E2F3: variants seen among roughly 807,000 people sequenced by gnomAD.
E2F3 encodes transcription factor E2F3.
A neutral mutation model predicts 44.4 loss-of-function variants in E2F3; 11 were observed. The ratio of observed to expected loss-of-function variants is 0.25; its 90% CI spans 0.16 to 0.41. The LOEUF (loss-of-function observed/expected upper bound fraction) is 0.41, where lower values mean the gene tolerates loss of function less well. E2F3 is among the 10% of genes least tolerant of loss of function. The pLI is 1.00. For synonymous variants in E2F3, 249 were observed against 253.0 expected (o/e 0.98, Z 0.15); for missense variants, 487 against 583.6 (o/e 0.83, Z 1.70).
intron 1 of E2F3, among the ~76,000 whole-genome samples, chr6:20,461,548 A>G (rs984646391): frequency 1.3e-5 from 2 of 152,036 alleles, no homozygotes; most frequent in African/African-American, 4.8e-5. Flanking sequence ...ATTTCCCTTC[A>G]TTTCTCATAC....
rs776447660 is a variant in E2F3, at chr6:20,488,222, G to A, written c.1109G>A (p.Gly370Glu). ...AAAACAAACAACCAAGACCACAATG[G>A]GAATATCCCTAAACCCGCTTCCAAA... ...PMKTNNQDHN[G>E]NIPKPASKDL... The change falls in exon 6 of 7, where the codon GGG becomes GAG. Residue 370 changes from glycine to glutamate, a missense_variant. Gly to Glu is a moderately conservative substitution (Grantham distance 98). Around this residue, in one of 3 missense-constraint regions of E2F3, gnomAD observed 220 missense variants for 261.7 expected, o/e 0.84. Coordinates refer to ENST00000346618, the MANE Select transcript of E2F3 (RefSeq NM_001949.5). The A allele has an allele frequency of 1.2e-6, 2 of 1,605,190 alleles. No homozygotes were observed. Among genetic ancestry groups the A allele is most frequent in the African/African-American group, 1.3e-5 (1 of 74,274 alleles).
chr6:20,431,288 T>C (rs1387400240), intron 1 of E2F3, among the ~76,000 whole-genome samples: 1 of 152,156 alleles, frequency 6.6e-6, no homozygotes. Flanking sequence ...TCAGTGACCT[T>C]AAAGATGTTT....
At chr6:20,488,664 C>A (rs985114420) in intron 6 of E2F3, among the ~76,000 whole-genome samples, 1 of 152,210 alleles carries the variant, frequency 6.6e-6, no homozygotes, top group Middle Eastern at 3.4e-3. Context: ...TTTTCCCCCC[C>A]AATGAGATGG....
chr6:20,483,591 G>A (rs1762300859), intron 4 of E2F3, among the ~76,000 whole-genome samples: 3 of 152,062 alleles, frequency 2.0e-5, no homozygotes, highest in Admixed American at 2.0e-4. Context: ...AATACAAAAG[G>A]TCAGTTCTTG....
intron 1 of E2F3, among the ~76,000 whole-genome samples, chr6:20,469,841 C>T (rs1372366489): frequency 6.6e-6 from 1 of 152,192 alleles, no homozygotes; most frequent in Non-Finnish European, 1.5e-5. Flanking sequence ...AGGCTTCTCA[C>T]CCAGCGGCTC....
intron 1 of E2F3, among the ~76,000 whole-genome samples, chr6:20,447,722 C>T (rs1218090375): frequency 6.6e-6 from 1 of 152,122 alleles, no homozygotes; most frequent in African/African-American, 2.4e-5. Flanking sequence ...TGTTACAACA[C>T]ATTCATTCAT....
Position 20,462,738 on chromosome 6 carries a change from G to A in E2F3, c.394-17108G>A, listed in dbSNP as rs111879980. On this transcript the variant is annotated intron_variant, in intron 1 of 6. Coordinates refer to ENST00000346618, the MANE Select transcript of E2F3 (RefSeq NM_001949.5). ...CTCCCAAAGTGCTGGGATTACAGGC[G>A]TGAGCCACCACACCCTGCCTAGTTC... is the stretch of plus-strand genomic sequence containing the variant. 7.4e-3 allele frequency among the ~76,000 whole-genome samples: 1,126 copies of A among 151,836 alleles called. 11 individuals are homozygous for A. Among genetic ancestry groups the A allele is most frequent in the Middle Eastern group, 0.027 (8 of 294 alleles).
At chr6:20,435,467 A>G (rs535511076) in intron 1 of E2F3, among the ~76,000 whole-genome samples, 31 of 152,292 alleles carry the variant, frequency 2.0e-4, no homozygotes, top group Non-Finnish European at 1.5e-5. Flanking sequence ...AAACTCATTG[A>G]CTTGGCCGGG....
At position 20,463,864 on chromosome 6, in the gene E2F3, C is replaced by A. The variant is rs542007356; in HGVS notation, c.394-15982C>A. 4.6e-5 allele frequency among the ~76,000 whole-genome samples: 7 copies of A among 152,318 alleles called. No homozygotes were observed. In the South Asian group the frequency reaches 1.2e-3, roughly 27 times the overall value. ...ACTGTCCCCCACTTCCAATGCCAGTCGCAAGCCCCAGATTGTCTTACCTGT... is the reference window on the plus strand; with the variant it reads ...ACTGTCCCCCACTTCCAATGCCAGTAGCAAGCCCCAGATTGTCTTACCTGT... On this transcript the variant is annotated intron_variant, in intron 1 of 6. Coordinates refer to ENST00000346618, the MANE Select transcript of E2F3 (RefSeq NM_001949.5).
intron 1 of E2F3, among the ~76,000 whole-genome samples, chr6:20,421,005 C>T (rs1281826163): frequency 6.6e-6 from 1 of 152,224 alleles, no homozygotes; most frequent in Non-Finnish European, 1.5e-5. Context: ...GTCATTTCAA[C>T]ATTGTTCACA....
chr6:20,488,035 C>A, intron 5 of E2F3, 78 bp from the exon 6 acceptor site: 1 of 1,582,800 alleles, frequency 6.3e-7, no homozygotes, highest in Non-Finnish European at 8.6e-7. Context: ...TCTTACTTTC[C>A]ATTTTTAGAC....
In E2F3 at chr6:20,492,646, G is replaced by C. The variant is rs184958522; in HGVS notation, c.*2216G>C. The C allele has an allele frequency of 4.7e-4, 110 of 232,088 alleles. 1 individual carries two copies. In the Middle Eastern group the frequency reaches 7.9e-3, roughly 17 times the overall value. The allele number at this position is 232,088 out of a possible 1,614,324, so 14.4% of individuals were successfully genotyped here. ...ACTGAGCTCACCTGGCTAGATTGTT[G>C]TGTGTTTTGTTGAATTTTTTCATAA... On this transcript the variant is annotated 3_prime_UTR_variant, in exon 7 of 7. Transcript: ENST00000346618.
intron 1 of E2F3, among the ~76,000 whole-genome samples, chr6:20,477,214 T>C (rs146982444): frequency 1.3e-5 from 2 of 152,202 alleles, no homozygotes; most frequent in South Asian, 2.1e-4. Context: ...CCTCAAGTCA[T>C]CCTCCTGAGT....
chr6:20,434,960 C>T (rs1278491224), intron 1 of E2F3, among the ~76,000 whole-genome samples: 1 of 152,238 alleles, frequency 6.6e-6, no homozygotes, highest in Non-Finnish European at 1.5e-5. Flanking sequence ...GACAAGGGCA[C>T]AGGAACATGG....
intron 5 of E2F3, among the ~76,000 whole-genome samples, chr6:20,487,377 G>A (rs1481882609): frequency 1.3e-5 from 2 of 152,130 alleles, no homozygotes; most frequent in African/African-American, 2.4e-5. Flanking sequence ...AAAGTTACAC[G>A]CTTCCATCTA....
At chr6:20,451,342 T>C (rs1420799842) in intron 1 of E2F3, among the ~76,000 whole-genome samples, 1 of 152,178 alleles carries the variant, frequency 6.6e-6, no homozygotes, top group Non-Finnish European at 1.5e-5. Context: ...GGGATTATGT[T>C]TCTGATTTGG....
At chr6:20,417,322 A>G (rs1015873557) in intron 1 of E2F3, among the ~76,000 whole-genome samples, 3 of 152,142 alleles carry the variant, frequency 2.0e-5, no homozygotes, top group Non-Finnish European at 4.4e-5. Flanking sequence ...CTTCCCCCCA[A>G]TCCCAACTCA....
At chr6:20,417,308 C>T (rs943213799) in intron 1 of E2F3, among the ~76,000 whole-genome samples, 3 of 152,136 alleles carry the variant, frequency 2.0e-5, no homozygotes, top group African/African-American at 7.2e-5. Flanking sequence ...AATGCTGGTA[C>T]AGTCTTCCCC....
chr6:20,429,332 C>A (rs1165187941), intron 1 of E2F3, among the ~76,000 whole-genome samples: 1 of 152,116 alleles, frequency 6.6e-6, no homozygotes, highest in Admixed American at 6.5e-5. Flanking sequence ...ATGAAAAATT[C>A]CAGAAATAAA....
Sources: allele counts gnomAD v4.1 joint callset (sites outside exome capture counted in the v4.1 genomes callset), GRCh38; gene constraint gnomAD v4.1.1; regional missense constraint gnomAD v4.1.1; transcripts MANE v1.5; gene names NCBI Gene and HGNC (gene_info 2026-07-23, HGNC 2026-07-21).